The following SMYD3 variants were observed in gnomAD, a reference collection of about 807,000 sequenced individuals.
SMYD3 encodes the protein histone-lysine N-methyltransferase SMYD3.
Under a neutral mutation model 57.7 loss-of-function variants are expected in SMYD3, and 36 were observed. That is an observed-to-expected ratio of 0.62 (90% CI 0.48 to 0.82). The LOEUF (loss-of-function observed/expected upper bound fraction) is 0.82, where lower values mean the gene tolerates loss of function less well. SMYD3 is among the 40% of genes least tolerant of loss of function. The probability of loss-of-function intolerance (pLI) is 0.00; values close to 1 mark genes in which losing one functional copy is unlikely to be tolerated. For synonymous variants in SMYD3, 211 were observed against 195.0 expected (o/e 1.08, Z -0.68); for missense variants, 515 against 538.8 (o/e 0.96, Z 0.44).
At chr1:246,481,960 C>A (rs2068116452) in intron 1 of SMYD3, among the ~76,000 whole-genome samples, 1 of 151,734 alleles carries the variant, frequency 6.6e-6, no homozygotes, top group African/African-American at 2.4e-5. Flanking sequence ...AGTTCAAGAC[C>A]AGCCTGGGCA....
intron 1 of SMYD3, among the ~76,000 whole-genome samples, chr1:246,395,723 A>C (rs201497515): frequency 3.5e-5 from 1 of 28,696 alleles, no homozygotes. Flanking sequence ...AGACGAACAC[A>C]CCAGTCAGAC....
rs543211276 is a variant in SMYD3 at position 246,041,753 on chromosome 1, C to G, written c.532-111816G>C. Among the ~76,000 whole-genome samples the G allele has an allele frequency of 3.2e-4, 49 of 151,966 alleles. No homozygotes were observed. In the South Asian group the frequency reaches 9.2e-3, roughly 28 times the overall value. The stretch of plus-strand genomic sequence containing the variant: ...AAGAGAATTGGAGGGGGTATAACCT[C>G]TCTTCCAATGGACGGACTCAGAGTT... On this transcript the variant is annotated intron_variant, in intron 5 of 11. Transcript: ENST00000490107.
At chr1:246,412,478 G>T (rs2066992112) in intron 1 of SMYD3, among the ~76,000 whole-genome samples, 2 of 151,640 alleles carry the variant, frequency 1.3e-5, no homozygotes, top group African/African-American at 4.8e-5. Flanking sequence ...GAAAAAAATA[G>T]ATTCCAATAA....
At chr1:246,505,429 G>GAGCAGCAGCAGCAGCAGCAGCAGC (rs111391483) in intron 1 of SMYD3, among the ~76,000 whole-genome samples, 1,709 of 151,702 alleles carry the variant, frequency 0.011, 45 homozygotes, top group African/African-American at 0.04. Flanking sequence ...GTTTCCCAAG[G>GAGCAGCAGCAGCAGCAGCAGCAGC]AGCAGCAGCA....
At chr1:246,043,820 C>T (rs2059917947) in intron 5 of SMYD3, among the ~76,000 whole-genome samples, 1 of 152,184 alleles carries the variant, frequency 6.6e-6, no homozygotes, top group Admixed American at 6.5e-5. Flanking sequence ...CTTCCCCTTC[C>T]TCCCAAACAC....
Position 246,355,325 on chromosome 1 carries a change from G to GA in SMYD3, c.165-232dup. On this transcript the variant is annotated intron_variant, in intron 1 of 11. Coordinates refer to ENST00000490107, the MANE Select transcript of SMYD3 (RefSeq NM_001167740.2). The surrounding 1 kb of genome is among the most constrained non-coding windows in gnomAD (Gnocchi z 5.0). The stretch of plus-strand genomic sequence containing the variant: ...TTGTCTGACAGAAGATGGCGGGGAA[G>GA]AGGCAGGACCAGCTTGCAGCTCCCG... 2.0e-6 allele frequency: 1 copy of GA among 510,218 alleles called. No homozygotes were observed. Among genetic ancestry groups the GA allele is most frequent in the Non-Finnish European group, 3.5e-6 (1 of 285,270 alleles). 31.6% of individuals were successfully genotyped at this position (510,218 alleles called of 1,614,324 possible).
At chr1:246,052,941 T>C (rs1240474942) in intron 5 of SMYD3, 1 of 152,172 alleles carries the variant, frequency 6.6e-6, no homozygotes, top group East Asian at 1.9e-4. Flanking sequence ...ATAAGATCTC[T>C]AAATAAATGA....
At chr1:245,887,585 T>A (rs1177076982) in intron 8 of SMYD3, among the ~76,000 whole-genome samples, 1 of 152,182 alleles carries the variant, frequency 6.6e-6, no homozygotes, top group African/African-American at 2.4e-5. Flanking sequence ...TGAAACCATC[T>A]CAATGAAAAT....
In SMYD3 at chr1:245,901,494, A is replaced by G. The variant is rs80271277; in HGVS notation, c.813+14036T>C. ...TCCATTCATTATCTTCATGGCATTT[A>G]CTTTGTCTCTCCTTTCTCAGAGTAA... On this transcript the variant is annotated intron_variant, in intron 8 of 11. Coordinates refer to ENST00000490107, the MANE Select transcript of SMYD3 (RefSeq NM_001167740.2). Among the ~76,000 whole-genome samples, 730 of 152,322 alleles carry G rather than the reference A, an allele frequency of 4.8e-3. 46 individuals carry two copies. In the East Asian group the frequency reaches 0.13, roughly 27 times the overall value.
chr1:245,870,428 G>T (rs1033653569), intron 8 of SMYD3, among the ~76,000 whole-genome samples: 5 of 152,094 alleles, frequency 3.3e-5, no homozygotes, highest in Non-Finnish European at 7.3e-5. Flanking sequence ...GAGTGGGCTC[G>T]CTTACCTCTC....
At chr1:245,852,688 T>A (rs2051038501) in intron 10 of SMYD3, among the ~76,000 whole-genome samples, 1 of 152,186 alleles carries the variant, frequency 6.6e-6, no homozygotes, top group Non-Finnish European at 1.5e-5. Context: ...TATTTTCCCC[T>A]CTTTCACCTC....
chr1:246,313,017 C>G (rs550188441), intron 5 of SMYD3, among the ~76,000 whole-genome samples: 1 of 152,056 alleles, frequency 6.6e-6, no homozygotes, highest in Non-Finnish European at 1.5e-5. Flanking sequence ...CAGGCTCGAG[C>G]GATCCTCCCA....
chr1:245,929,766 T>C, intron 6 of SMYD3, 104 bp downstream of exon 6: 6 of 896,550 alleles, frequency 6.7e-6, no homozygotes, highest in Non-Finnish European at 3.7e-6. Flanking sequence ...GCTTGGCTCT[T>C]GAACAAGCTG....
chr1:246,391,511 C>A (rs1261098054), intron 1 of SMYD3, among the ~76,000 whole-genome samples: 2 of 148,046 alleles, frequency 1.4e-5, no homozygotes, highest in South Asian at 2.2e-4. Context: ...AAAAGAGAAC[C>A]AAAAATGCAA....
intron 5 of SMYD3, among the ~76,000 whole-genome samples, chr1:246,121,514 C>T (rs1286097721): frequency 1.4e-5 from 2 of 145,350 alleles, no homozygotes; most frequent in African/African-American, 5.1e-5. Context: ...GTCCAAAATT[C>T]ATCTAAATGT....
chr1:246,217,457 C>A (rs946590257), intron 5 of SMYD3, among the ~76,000 whole-genome samples: 14 of 151,920 alleles, frequency 9.2e-5, no homozygotes, highest in African/African-American at 3.4e-4. Context: ...TGCACTGAGC[C>A]GAGATTGTAC....
At chr1:246,395,642 A>ACAGTCAGACAGGGAAGACGAACACAC (rs2066650140) in intron 1 of SMYD3, among the ~76,000 whole-genome samples, 2 of 128,316 alleles carry the variant, frequency 1.6e-5, no homozygotes, top group Admixed American at 7.4e-5. Context: ...CGAACACACC[A>ACAGTCAGACAGGGAAGACGAACACAC]CAGTCAGACA....
chr1:246,046,222 A>G (rs917680372), intron 5 of SMYD3, among the ~76,000 whole-genome samples: 3 of 152,264 alleles, frequency 2.0e-5, no homozygotes, highest in Admixed American at 1.3e-4. Flanking sequence ...CTTGGAACCA[A>G]CCCAAATGTC....
At position 245,992,499 on chromosome 1, in the gene SMYD3, A is replaced by C. The variant is rs1407399636; in HGVS notation, c.532-62562T>G. The stretch of plus-strand genomic sequence containing the variant: ...TCAGCATGGTTCTAGAATGGCAGTC[A>C]TGGGGCCTGGAGTAGCCATGGATCG... On this transcript the variant is annotated intron_variant, in intron 5 of 11. Coordinates refer to ENST00000490107, the MANE Select transcript of SMYD3 (RefSeq NM_001167740.2). Among the ~76,000 whole-genome samples the C allele has an allele frequency of 2.6e-5, 4 of 152,212 alleles. No individual in the cohort carries two copies. The South Asian group carries it at 8.3e-4, about 32-fold the overall frequency.
Sources: gnomAD v4.1 joint callset for allele counts (sites outside exome capture counted in the v4.1 genomes callset) on GRCh38, gnomAD v4.1.1 for gene constraint, Gnocchi (gnomAD v3.1) non-coding constraint, MANE v1.5 for transcripts, NCBI Gene and HGNC (gene_info 2026-07-23, HGNC 2026-07-21) for gene names.